The following TACC2 variants were observed in gnomAD, a reference collection of about 807,000 sequenced individuals.
TACC2 encodes transforming acidic coiled-coil-containing protein 2.
A neutral mutation model predicts 227.3 loss-of-function variants in TACC2; 137 were observed. That is an observed-to-expected ratio of 0.60 (90% confidence interval 0.52 to 0.69). TACC2 has a LOEUF of 0.69. Ranked by LOEUF, TACC2 falls within the 30% of genes least tolerant of loss-of-function variation. The pLI, the probability that TACC2 is intolerant of heterozygous loss-of-function variation, is 0.00. For missense variants in TACC2, 3,470 were observed against 3,694.4 expected, an observed-to-expected ratio of 0.94 and a Z score of 1.57; for synonymous variants, 1,523 against 1,487.5, an observed-to-expected ratio of 1.02 and a Z score of -0.55.
At chr10:122,233,106 A>T in intron 16 of TACC2, among the ~76,000 whole-genome samples, 1 of 152,158 alleles carries the variant, frequency 6.6e-6, no homozygotes, top group Non-Finnish European at 1.5e-5. Context: ...TCTCCATCTC[A>T]GTTAGAAAAT....
chr10:122,158,790 G>A (rs2139718653), intron 7 of TACC2, among the ~76,000 whole-genome samples: 1 of 152,334 alleles, frequency 6.6e-6, no homozygotes, highest in East Asian at 1.9e-4. Flanking sequence ...TGGCATGTAA[G>A]AGGTTAACAG....
At chr10:122,167,292 G>A (rs1475323270) in intron 7 of TACC2, among the ~76,000 whole-genome samples, 1 of 152,234 alleles carries the variant, frequency 6.6e-6, no homozygotes, top group African/African-American at 2.4e-5. Flanking sequence ...GGCCAGGGTG[G>A]ATGGGAGAGA....
chr10:122,011,608 A>T (rs1249785551), intron 1 of TACC2, among the ~76,000 whole-genome samples: 1 of 152,168 alleles, frequency 6.6e-6, no homozygotes, highest in Non-Finnish European at 1.5e-5. Flanking sequence ...GATTACAGGT[A>T]TGAGCGGCCG....
At position 122,087,574 on chromosome 10, in the gene TACC2, C is replaced by T; in HGVS notation, c.5074C>T (p.Pro1692Ser). 6.2e-7 allele frequency: 1 copy of T among 1,613,740 alleles called. No homozygotes were observed. Among genetic ancestry groups the T allele is most frequent in the African/African-American group, 1.3e-5 (1 of 75,068 alleles). The part of the protein sequence containing the change: ...APPTGEVADT[P>S]LEPGKVAGAA... Reference sequence around the variant, plus strand: ...ACCAACTGGAGAAGTGGCAGACACTCCCCTGGAGCCTGGCAAGGTGGCAGG... The same window carrying T: ...ACCAACTGGAGAAGTGGCAGACACTTCCCTGGAGCCTGGCAAGGTGGCAGG... Residue 1692 changes from proline to serine, a missense_variant, in exon 4 of 23, where the codon CCC becomes TCC. Transcript: ENST00000369005.
At chr10:122,238,092 A>T in intron 18 of TACC2, 55 bp downstream of exon 18, 1 of 1,428,704 alleles carries the variant, frequency 7.0e-7, no homozygotes, top group Non-Finnish European at 9.9e-7. Flanking sequence ...CCTGTGGTTT[A>T]ATAATGACCG....
At chr10:122,121,462 T>C (rs2085778493) in intron 5 of TACC2, among the ~76,000 whole-genome samples, 3 of 152,186 alleles carry the variant, frequency 2.0e-5, no homozygotes, top group African/African-American at 7.2e-5. Context: ...GCTTGGGCAG[T>C]CTGGCCCCGG....
At chr10:122,174,240 C>T (rs2093607434) in intron 7 of TACC2, among the ~76,000 whole-genome samples, 2 of 152,210 alleles carry the variant, frequency 1.3e-5, no homozygotes, top group African/African-American at 4.8e-5. Flanking sequence ...TAAACTCAGC[C>T]AGCACTCCCA....
intron 7 of TACC2, among the ~76,000 whole-genome samples, chr10:122,170,896 C>G (rs893831034): frequency 6.6e-6 from 1 of 152,166 alleles, no homozygotes; most frequent in Admixed American, 6.6e-5. Context: ...TCTGCTCCGT[C>G]CCTTGGCTGG....
chr10:122,162,681 C>T (rs2092894196), intron 7 of TACC2, among the ~76,000 whole-genome samples: 1 of 152,172 alleles, frequency 6.6e-6, no homozygotes, highest in South Asian at 2.1e-4. Context: ...CTGCCATAGG[C>T]CAGGGACAGG....
chr10:122,199,393 G>A (rs1477588867), intron 8 of TACC2, among the ~76,000 whole-genome samples: 3 of 152,190 alleles, frequency 2.0e-5, no homozygotes, highest in South Asian at 2.1e-4. Context: ...CTTTGGGCCC[G>A]CCTCTGGTTT....
chr10:122,086,850 G>A lies in TACC2; in HGVS notation c.4350G>A (p.Lys1450=), dbSNP rs765765099. Residue 1450 remains lysine, a synonymous_variant, in exon 4 of 23, where the codon AAG becomes AAA. Transcript: ENST00000369005. ...TCACCAGGCCATTGGGCCCAGAGAA[G>A]CTTCTAGATGGGCCTCCAGGAGTGG... ...KDLTRPLGPE[K]LLDGPPGVDV... The A allele has an allele frequency of 6.2e-7, 1 of 1,613,994 alleles. No individual in the cohort carries two copies. Among genetic ancestry groups the A allele is most frequent in the Non-Finnish European group, 8.5e-7 (1 of 1,180,010 alleles).
At chr10:122,113,623 G>A (rs1246491541) in intron 5 of TACC2, among the ~76,000 whole-genome samples, 2 of 152,208 alleles carry the variant, frequency 1.3e-5, no homozygotes, top group African/African-American at 2.4e-5. Flanking sequence ...GGGCCTCCGC[G>A]CCTTCCCACC....
chr10:122,073,064 G>A (rs1352556353), intron 3 of TACC2, among the ~76,000 whole-genome samples: 1 of 123,950 alleles, frequency 8.1e-6, no homozygotes, highest in Non-Finnish European at 1.6e-5. Flanking sequence ...AGTGAGCCAA[G>A]ATCACGCCAT....
In TACC2 at chr10:122,077,585, G is replaced by A. The variant is rs147742927; in HGVS notation, c.147-5062G>A. Among the ~76,000 whole-genome samples, 13 of 152,318 alleles carry A rather than the reference G, an allele frequency of 8.5e-5. No individual in the cohort carries two copies. In the East Asian group the frequency reaches 2.5e-3, roughly 29 times the overall value. ...AGGGAGGTTGGGGCCACAACTGAGA[G>A]CAAAGCGAAGCCACAGTGGGGTGAC... On this transcript the variant is annotated intron_variant, in intron 3 of 22. Transcript: ENST00000369005.
At position 122,061,003 on chromosome 10, in the gene TACC2, A is replaced by T. The variant is rs1267963636; in HGVS notation, c.146+10453A>T. 1.8e-4 allele frequency among the ~76,000 whole-genome samples: 2 copies of T among 11,060 alleles called. 1 individual carries two copies. The highest frequency in any genetic ancestry group is 7.7e-4 in the Non-Finnish European group (2 of 2,592). 7.3% of individuals were successfully genotyped at this position (11,060 alleles called of 152,430 possible). ...CTGGGCAACAGAGACTCCATCTCAA[A>T]AAAAAAAAAAAAAAAAGGGGGGGGG... On this transcript the variant is annotated intron_variant, in intron 3 of 22. Transcript: ENST00000369005.
At chr10:122,013,545 C>T (rs1312224870) in intron 1 of TACC2, among the ~76,000 whole-genome samples, 2 of 152,148 alleles carry the variant, frequency 1.3e-5, no homozygotes, top group Admixed American at 1.3e-4. Flanking sequence ...GCTGGGCTAT[C>T]TGTGAATAGC....
rs2095998847 is a variant in TACC2, at chr10:122,241,688, C to G, written c.8349-270C>G. 8 of 520,170 alleles carry G rather than the reference C, an allele frequency of 1.5e-5. No homozygotes were observed. In the South Asian group the frequency reaches 2.1e-4, roughly 14 times the overall value. 32.2% of individuals were successfully genotyped at this position (520,170 alleles called of 1,614,324 possible). A position where few individuals can be genotyped will look rare whatever the true frequency, so the allele number is the denominator to read the frequency against. On this transcript the variant is annotated intron_variant, in intron 18 of 22. Transcript: ENST00000369005. Reference sequence around the variant, plus strand: ...AGTAATCCACCAGCCTCAGCCTTCTCAATACCTGGGACTGCAGGCATGCAC... The same window carrying G: ...AGTAATCCACCAGCCTCAGCCTTCTGAATACCTGGGACTGCAGGCATGCAC...
intron 2 of TACC2, among the ~76,000 whole-genome samples, chr10:122,039,160 G>T (rs2073948519): frequency 6.6e-6 from 1 of 152,162 alleles, no homozygotes; most frequent in Non-Finnish European, 1.5e-5. Flanking sequence ...ATTTTTAGTA[G>T]AGATGGGGTT....
chr10:122,126,679 G>C (rs1019652940), intron 5 of TACC2: 2 of 152,138 alleles, frequency 1.3e-5, no homozygotes, highest in African/African-American at 2.4e-5. Flanking sequence ...AACCATCCTG[G>C]AGAGAGGGAG....
Sources: gnomAD v4.1 joint callset for allele counts (sites outside exome capture counted in the v4.1 genomes callset) on GRCh38, gnomAD v4.1.1 for gene constraint, MANE v1.5 for transcripts, NCBI Gene and HGNC (gene_info 2026-07-23, HGNC 2026-07-21) for gene names.